GNAL: variants seen among roughly 807,000 people sequenced by gnomAD.
GNAL encodes the protein G protein subunit alpha L.
In GNAL, 18 loss-of-function variants were observed where a neutral mutation model predicts 55.1. The ratio of observed to expected loss-of-function variants is 0.33; its 90% CI spans 0.23 to 0.48. The LOEUF is 0.48. GNAL is among the 20% of genes least tolerant of loss of function. The probability of loss-of-function intolerance (pLI) is 0.99; values close to 1 mark genes in which losing one functional copy is unlikely to be tolerated. For synonymous variants in GNAL, 253 were observed against 237.0 expected (o/e 1.07, Z -0.62); for missense variants, 412 against 614.1 (o/e 0.67, Z 3.48).
intron 1 of GNAL, among the ~76,000 whole-genome samples, chr18:11,699,463 CCT>C (rs2031505942): frequency 6.6e-6 from 1 of 151,962 alleles, no homozygotes; most frequent in African/African-American, 2.4e-5. Flanking sequence ...GATCCACCTG[CCT>C]CAGCCTCCTA....
At chr18:11,734,597 A>G (rs2032420307) in intron 1 of GNAL, among the ~76,000 whole-genome samples, 1 of 151,562 alleles carries the variant, frequency 6.6e-6, no homozygotes. Context: ...CTTGCATTCT[A>G]GATAGCATGG....
At position 11,689,542 on chromosome 18, in the gene GNAL, G is replaced by T. The variant is rs1302944807; in HGVS notation, c.-22G>T. ...CCAGCCTGCCCTAGTCCCGCGCGCC[G>T]CCCCCGCTGTGCCGCGCCCACATGG... On this transcript the variant is annotated 5_prime_UTR_variant, in exon 1 of 12. Coordinates refer to ENST00000334049, the MANE Select transcript of GNAL (RefSeq NM_182978.4). The T allele has an allele frequency of 1.7e-6, 2 of 1,182,988 alleles. No individual in the cohort carries two copies. The highest frequency in any genetic ancestry group is 7.0e-5 in the South Asian group (2 of 28,644). The allele number at this position is 1,182,988 out of a possible 1,614,324, so 73.3% of individuals were successfully genotyped here. A position where few individuals can be genotyped will look rare whatever the true frequency, so the allele number is the denominator to read the frequency against.
intron 1 of GNAL, among the ~76,000 whole-genome samples, chr18:11,694,299 G>A (rs2031344140): frequency 6.6e-6 from 1 of 152,058 alleles, no homozygotes; most frequent in Admixed American, 6.5e-5. Context: ...TCCTCTCATG[G>A]AGCACTGGGG....
rs2037021690 is a variant in GNAL at position 11,885,260 on chromosome 18, G to A, written c.*4125G>A. 2 of 272,632 alleles carry A rather than the reference G, an allele frequency of 7.3e-6. No homozygotes were observed. Among genetic ancestry groups the A allele is most frequent in the African/African-American group, 4.6e-5 (2 of 43,790 alleles). The allele number at this position is 272,632 out of a possible 1,614,324, so 16.9% of individuals were successfully genotyped here. ...AGTTAAAACGCCCAGTGGTCATTAA[G>A]TGAAACATCTTTTATCAACCTGCAA... On this transcript the variant is annotated 3_prime_UTR_variant, in exon 12 of 12. Coordinates refer to ENST00000334049, the MANE Select transcript of GNAL (RefSeq NM_182978.4).
At chr18:11,773,829 CA>C (rs554078226) in intron 4 of GNAL, among the ~76,000 whole-genome samples, 45 of 152,264 alleles carry the variant, frequency 3.0e-4, no homozygotes, top group African/African-American at 1.0e-3. Flanking sequence ...TATATAAAAA[CA>C]ATCGCATCTG....
chr18:11,720,061 A>G (rs549562634), intron 1 of GNAL, among the ~76,000 whole-genome samples: 1 of 152,338 alleles, frequency 6.6e-6, no homozygotes, highest in African/African-American at 2.4e-5. Context: ...AGTAGGTCTC[A>G]GGTGGGGCCC....
rs2032825961 is a variant in GNAL at position 11,751,527 on chromosome 18, C to CTCCTCCCTGCTAGAATATGCATGA, written c.377-1319_377-1296dup. On this transcript the variant is annotated intron_variant, in intron 1 of 11. Transcript: ENST00000334049. This position sits in a 1 kb window ranked among gnomAD's most constrained non-coding sequence, Gnocchi z 4.5. ...GTGACTGGTGAGCCTCGGAGGGATC[C>CTCCTCCCTGCTAGAATATGCATGA]TCCTCCCTGCTAGAATATGCATGAT... is the stretch of plus-strand genomic sequence containing the variant. The CTCCTCCCTGCTAGAATATGCATGA allele has an allele frequency of 1.0e-6, 1 of 985,352 alleles. No homozygotes were observed. The highest frequency in any genetic ancestry group is 1.1e-4 in the East Asian group (1 of 8,818). The allele number at this position is 985,352 out of a possible 1,614,324, so 61.0% of individuals were successfully genotyped here.
At chr18:11,841,956 A>G (rs563078975) in intron 5 of GNAL, among the ~76,000 whole-genome samples, 3 of 151,840 alleles carry the variant, frequency 2.0e-5, no homozygotes, top group Middle Eastern at 3.4e-3. Flanking sequence ...AAGAAAACAT[A>G]TGTTATATTT....
intron 5 of GNAL, among the ~76,000 whole-genome samples, chr18:11,830,134 C>T (rs1171031832): frequency 2.0e-5 from 3 of 152,138 alleles, no homozygotes; most frequent in Admixed American, 2.0e-4. Flanking sequence ...TTGACGGGTC[C>T]GTACTCACTC....
chr18:11,717,333 A>G lies in GNAL; in HGVS notation c.376+27394A>G, dbSNP rs577586414. On this transcript the variant is annotated intron_variant, in intron 1 of 11. Transcript: ENST00000334049. ...GAGGGAGCCGGCTCTGGCCTTGGCC[A>G]GCCCAGAAGGGGGCTCCCACAGTGC... Among the ~76,000 whole-genome samples the G allele has an allele frequency of 1.4e-3, 208 of 152,308 alleles. 3 individuals are homozygous for G. The South Asian group carries it at 0.022, about 16-fold the overall frequency.
chr18:11,734,467 A>C (rs1245472786), intron 1 of GNAL, among the ~76,000 whole-genome samples: 1 of 151,970 alleles, frequency 6.6e-6, no homozygotes, highest in African/African-American at 2.4e-5. Context: ...GACAGGATCA[A>C]ATCACATAGA....
At chr18:11,813,702 CA>C (rs2034881405) in intron 4 of GNAL, among the ~76,000 whole-genome samples, 1 of 152,058 alleles carries the variant, frequency 6.6e-6, no homozygotes, top group Non-Finnish European at 1.5e-5. Context: ...GAAATAGATC[CA>C]CCTTCATATG....
chr18:11,715,198 G>C (rs375053647), intron 1 of GNAL, among the ~76,000 whole-genome samples: 1 of 151,514 alleles, frequency 6.6e-6, no homozygotes. Context: ...GGTGGCTCAC[G>C]CCTGTAATCC....
chr18:11,722,172 A>T (rs796799006), intron 1 of GNAL, among the ~76,000 whole-genome samples: 47 of 152,318 alleles, frequency 3.1e-4, no homozygotes, highest in African/African-American at 1.1e-3. Flanking sequence ...AAAGACTAAC[A>T]GTTTATTTTC....
chr18:11,689,906 G>T lies in GNAL; in HGVS notation c.343G>T (p.Asp115Tyr). 1 of 1,461,600 alleles carries T rather than the reference G, an allele frequency of 6.8e-7. No homozygotes were observed. The highest frequency in any genetic ancestry group is 1.3e-5 in the South Asian group (1 of 74,890). The allele number at this position is 1,461,600 out of a possible 1,614,324, so 90.5% of individuals were successfully genotyped here. The change falls in exon 1 of 12, where the codon GAC (aspartate) becomes TAC (tyrosine). Residue 115 changes from aspartate (D) to tyrosine (Y), a missense_variant. Coordinates refer to ENST00000334049, the MANE Select transcript of GNAL (RefSeq NM_182978.4). Reference sequence around the variant, plus strand: ...CCGCATGCTGCGCGACCAGAAGCGCGACCTGCAGCAGACGCACCGGCTCCT... The same window carrying T: ...CCGCATGCTGCGCGACCAGAAGCGCTACCTGCAGCAGACGCACCGGCTCCT... Reference protein sequence around the residue: ...IDRMLRDQKRDLQQTHRLLLL... With the variant: ...IDRMLRDQKRYLQQTHRLLLL...
At chr18:11,857,495 A>G (rs2036035038) in intron 5 of GNAL, 5 of 985,462 alleles carry the variant, frequency 5.1e-6, no homozygotes, top group Middle Eastern at 5.2e-4. Flanking sequence ...GCCACATTAA[A>G]AGTGTGGACT....
At chr18:11,847,397 T>TA (rs1491526578) in intron 5 of GNAL, among the ~76,000 whole-genome samples, 167 of 150,076 alleles carry the variant, frequency 1.1e-3, no homozygotes, top group African/African-American at 3.3e-3. Flanking sequence ...TCTTTTATTT[T>TA]CTTTTTTTTT....
chr18:11,719,697 G>A lies in GNAL; in HGVS notation c.376+29758G>A, dbSNP rs2032049218. Among the ~76,000 whole-genome samples the A allele has an allele frequency of 2.0e-5, 3 of 152,348 alleles. No homozygotes were observed. The South Asian group carries it at 6.2e-4, about 32-fold the overall frequency. ...TACTATTCCTTGAAGCATTTGAGTG[G>A]CTGATGCCTCACCCTGGAAGAACGG... is the stretch of plus-strand genomic sequence containing the variant. On this transcript the variant is annotated intron_variant, in intron 1 of 11. Coordinates refer to ENST00000334049, the MANE Select transcript of GNAL (RefSeq NM_182978.4).
chr18:11,863,891 C>G (rs2036202231), intron 6 of GNAL, among the ~76,000 whole-genome samples: 1 of 152,206 alleles, frequency 6.6e-6, no homozygotes, highest in Admixed American at 6.5e-5. Context: ...CCCAAGCCAA[C>G]AGAGCACCAG....
Sources: gnomAD v4.1 joint callset for allele counts (sites outside exome capture counted in the v4.1 genomes callset) on GRCh38, gnomAD v4.1.1 for gene constraint, Gnocchi (gnomAD v3.1) non-coding constraint, MANE v1.5 for transcripts, NCBI Gene and HGNC (gene_info 2026-07-23, HGNC 2026-07-21) for gene names.